Variants in CRK observed in about 807,000 individuals in gnomAD.
The protein encoded by CRK is adapter molecule crk.
In CRK, 4 loss-of-function variants were observed where a neutral mutation model predicts 29.8. That is an observed-to-expected ratio of 0.13 (90% CI 0.07 to 0.31). The LOEUF (loss-of-function observed/expected upper bound fraction) is 0.31. Ranked by LOEUF, CRK falls within the 10% of genes least tolerant of loss-of-function variation. The pLI, the probability that CRK is intolerant of heterozygous loss-of-function variation, is 1.00. For synonymous variants in CRK, 153 were observed against 164.9 expected, an observed-to-expected ratio of 0.93 and a Z score of 0.55; for missense variants, 274 against 396.5, an observed-to-expected ratio of 0.69 and a Z score of 2.62.
intron 2 of CRK, among the ~76,000 whole-genome samples, chr17:1,433,980 G>C (rs537136560): frequency 1.5e-4 from 23 of 152,108 alleles, no homozygotes; most frequent in South Asian, 4.2e-4. Flanking sequence ...GATTACAGGC[G>C]TAAGTCACAG....
At chr17:1,455,735 G>C (rs897829505) in intron 1 of CRK, 142 bp downstream of exon 1, 114 of 1,234,076 alleles carry the variant, frequency 9.2e-5, no homozygotes, top group Non-Finnish European at 1.2e-4. Context: ...GAGCGAGCCC[G>C]AGCAGCCGGC....
intron 2 of CRK, among the ~76,000 whole-genome samples, chr17:1,429,285 G>GA (rs373186154): frequency 0.01 from 1,562 of 150,578 alleles, 23 homozygotes; most frequent in African/African-American, 0.028. Context: ...TGAGTCCAGG[G>GA]TTTTTTTTTC....
chr17:1,438,046 A>C (rs1019704873), intron 1 of CRK, among the ~76,000 whole-genome samples: 4 of 152,034 alleles, frequency 2.6e-5, no homozygotes, highest in Admixed American at 2.0e-4. Flanking sequence ...AGGTGGAGAG[A>C]GCTTGTGTCT....
chr17:1,434,564 C>T (rs551596166), intron 2 of CRK, among the ~76,000 whole-genome samples: 1 of 152,176 alleles, frequency 6.6e-6, no homozygotes, highest in East Asian at 1.9e-4. Flanking sequence ...GGGTGGATCA[C>T]CTGAGGTCAG....
chr17:1,430,887 G>A (rs1226072376), intron 2 of CRK, among the ~76,000 whole-genome samples: 1 of 151,390 alleles, frequency 6.6e-6, no homozygotes. Context: ...CTAACACGGT[G>A]AAACCCCGTC....
At chr17:1,425,199 C>T (rs1314127422) in intron 2 of CRK, among the ~76,000 whole-genome samples, 2 of 151,838 alleles carry the variant, frequency 1.3e-5, no homozygotes, top group Admixed American at 6.6e-5. Flanking sequence ...ACGCCATTCT[C>T]CTGCCTCAGC....
At chr17:1,428,817 C>A (rs921822489) in intron 2 of CRK, among the ~76,000 whole-genome samples, 1 of 151,778 alleles carries the variant, frequency 6.6e-6, no homozygotes, top group Non-Finnish European at 1.5e-5. Context: ...CCACCACGCC[C>A]GGCTCAGAAC....
At chr17:1,451,902 T>G (rs1273065711) in intron 1 of CRK, among the ~76,000 whole-genome samples, 1 of 152,010 alleles carries the variant, frequency 6.6e-6, no homozygotes, top group Admixed American at 6.6e-5. Flanking sequence ...GGAGAATCAC[T>G]TGAACCTGGG....
At chr17:1,442,518 TA>T (rs1251098222) in intron 1 of CRK, among the ~76,000 whole-genome samples, 1 of 151,876 alleles carries the variant, frequency 6.6e-6, no homozygotes, top group Non-Finnish European at 1.5e-5. Context: ...AGCCTATTAT[TA>T]ATTTTAATTA....
rs1268979385 is a variant in CRK at position 1,421,986 on chromosome 17, C to T, written c.*1527G>A. ...AGGTCTATTTTGTGGAGCACCTGAC[C>T]CCATATAAATCATTCCATACTTAAA... On this transcript the variant is annotated 3_prime_UTR_variant, in exon 3 of 3. Coordinates refer to ENST00000300574, the MANE Select transcript of CRK (RefSeq NM_016823.4). 6.6e-6 allele frequency: 1 copy of T among 151,930 alleles called. No individual in the cohort carries two copies. Among genetic ancestry groups the T allele is most frequent in the African/African-American group, 2.4e-5 (1 of 41,354 alleles). 9.4% of individuals were successfully genotyped at this position (151,930 alleles called of 1,614,324 possible).
intron 2 of CRK, among the ~76,000 whole-genome samples, chr17:1,435,275 C>T (rs1443881388): frequency 6.6e-6 from 1 of 152,054 alleles, no homozygotes; most frequent in African/African-American, 2.4e-5. Context: ...CGGTCTCCAA[C>T]TCCTGAGCTC....
At chr17:1,442,984 CTTTT>C (rs34493870) in intron 1 of CRK, among the ~76,000 whole-genome samples, 12 of 140,108 alleles carry the variant, frequency 8.6e-5, no homozygotes, top group African/African-American at 1.9e-4. Flanking sequence ...CCCTTTCTTT[CTTTT>C]TTTTTTTTGA....
At chr17:1,430,498 A>C (rs2073831774) in intron 2 of CRK, among the ~76,000 whole-genome samples, 1 of 150,110 alleles carries the variant, frequency 6.7e-6, no homozygotes, top group Non-Finnish European at 1.5e-5. Flanking sequence ...CTGGGACTAC[A>C]GATGCCCGCC....
At chr17:1,433,150 C>G (rs950993378) in intron 2 of CRK, among the ~76,000 whole-genome samples, 5 of 152,156 alleles carry the variant, frequency 3.3e-5, no homozygotes, top group Non-Finnish European at 1.5e-5. Context: ...CTGATCAATG[C>G]GTTCCAGAGA....
intron 1 of CRK, among the ~76,000 whole-genome samples, chr17:1,448,044 A>T (rs1386625062): frequency 6.6e-6 from 1 of 152,156 alleles, no homozygotes; most frequent in African/African-American, 2.4e-5. Flanking sequence ...CGGGAGGCTG[A>T]GGCAGGAGAA....
chr17:1,437,658 G>GTTT (rs34172718), intron 1 of CRK, among the ~76,000 whole-genome samples: 1 of 142,434 alleles, frequency 7.0e-6, no homozygotes. Context: ...TCTGTTGCAT[G>GTTT]TTTTTTTTTT....
chr17:1,446,793 C>G (rs937411810), intron 1 of CRK, among the ~76,000 whole-genome samples: 7 of 151,706 alleles, frequency 4.6e-5, no homozygotes, highest in African/African-American at 1.7e-4. Flanking sequence ...CGGGGTTTCA[C>G]CGTGTTAACC....
At chr17:1,433,825 GTT>G (rs56071119) in intron 2 of CRK, among the ~76,000 whole-genome samples, 15,588 of 127,070 alleles carry the variant, frequency 0.12, 983 homozygotes, top group South Asian at 0.17. Flanking sequence ...AGCATGTATG[GTT>G]TTTTTTTTTT....
chr17:1,455,402 C>T (rs2074048168), intron 1 of CRK, among the ~76,000 whole-genome samples: 1 of 152,198 alleles, frequency 6.6e-6, no homozygotes, highest in Non-Finnish European at 1.5e-5. Flanking sequence ...TATGTGGTGA[C>T]TTCCTACCAA....
Sources: allele counts gnomAD v4.1 joint callset (sites outside exome capture counted in the v4.1 genomes callset), GRCh38; gene constraint gnomAD v4.1.1; transcripts MANE v1.5; gene names NCBI Gene and HGNC (gene_info 2026-07-23, HGNC 2026-07-21).